The following DPPA2 variants were observed in gnomAD, a reference collection of about 807,000 sequenced individuals.
DPPA2 encodes developmental pluripotency-associated protein 2.
Under a neutral mutation model 36.2 loss-of-function variants are expected in DPPA2, and 26 were observed. The ratio of observed to expected loss-of-function variants is 0.72; its 90% CI spans 0.53 to 1.00. DPPA2 has a LOEUF of 1.00. Among genes scored for constraint, DPPA2 ranks in the 50% least tolerant of loss-of-function variants. DPPA2 has a pLI of 0.00. For synonymous variants in DPPA2, 113 were observed against 123.2 expected (o/e 0.92, Z 0.55); for missense variants, 361 against 365.1 (o/e 0.99, Z 0.09).
Position 109,316,339 on chromosome 3 carries a change from T to G in DPPA2, c.-69A>C, listed in dbSNP as rs1707784005. 6.5e-6 allele frequency: 1 copy of G among 153,464 alleles called. No individual in the cohort carries two copies. Among genetic ancestry groups the G allele is most frequent in the Admixed American group, 6.5e-5 (1 of 15,292 alleles). 9.5% of individuals were successfully genotyped at this position (153,464 alleles called of 1,614,324 possible). The stretch of plus-strand genomic sequence containing the variant: ...AGGATGTGGGTAGGGGGCCTCACTG[T>G]GTTGCCCAGGCTGGTCTTGAATTCC... On this transcript the variant is annotated 5_prime_UTR_variant, in exon 1 of 9. Coordinates refer to ENST00000478945, the MANE Select transcript of DPPA2 (RefSeq NM_138815.4).
intron 8 of DPPA2, among the ~76,000 whole-genome samples, chr3:109,298,065 T>TG (rs1354355736): frequency 6.6e-6 from 1 of 151,794 alleles, no homozygotes; most frequent in Non-Finnish European, 1.5e-5. Context: ...GAGCTATGAC[T>TG]GCACCATTGC....
chr3:109,300,287 G>A, intron 8 of DPPA2, 84 bp downstream of exon 8: 1 of 1,099,400 alleles, frequency 9.1e-7, no homozygotes. Context: ...GGAAGGCAGA[G>A]AGTTTCTCTT....
intron 2 of DPPA2, 54 bp from the exon 3 acceptor site, chr3:109,312,746 C>T (rs1023935802): frequency 1.6e-4 from 260 of 1,586,860 alleles, no homozygotes; most frequent in Non-Finnish European, 2.2e-4. Context: ...AACTAAACTG[C>T]TTGCTTTCAA....
chr3:109,299,665 G>A (rs1343848474), intron 8 of DPPA2, among the ~76,000 whole-genome samples: 133 of 137,446 alleles, frequency 9.7e-4, no homozygotes, highest in African/African-American at 3.2e-3. Context: ...CAGCCTGGGC[G>A]ACAAGAATGA....
chr3:109,308,651 C>G (rs1576822360), intron 5 of DPPA2, among the ~76,000 whole-genome samples: 1 of 152,300 alleles, frequency 6.6e-6, no homozygotes, highest in South Asian at 2.1e-4. Flanking sequence ...CATGAGCCAC[C>G]ACACCCGGCC....
chr3:109,307,556 T>A (rs1035961464), intron 6 of DPPA2, among the ~76,000 whole-genome samples: 1 of 134,774 alleles, frequency 7.4e-6, no homozygotes, highest in Non-Finnish European at 1.5e-5. Context: ...TGAGCCAAGA[T>A]CGCGCCATTG....
At chr3:109,314,911 C>A (rs938239913) in intron 1 of DPPA2, among the ~76,000 whole-genome samples, 1 of 151,980 alleles carries the variant, frequency 6.6e-6, no homozygotes, top group African/African-American at 2.4e-5. Context: ...CAAAAAAACA[C>A]AAAAATTAGG....
At chr3:109,307,603 CAA>C (rs769445059) in intron 6 of DPPA2, among the ~76,000 whole-genome samples, 1,079 of 43,782 alleles carry the variant, frequency 0.025, 10 homozygotes, top group African/African-American at 0.073. Context: ...AACTCCATCT[CAA>C]AAAAAAAAAA....
chr3:109,298,617 G>A (rs1576815183), intron 8 of DPPA2, among the ~76,000 whole-genome samples: 1 of 151,824 alleles, frequency 6.6e-6, no homozygotes, highest in East Asian at 1.9e-4. Context: ...TCGGAAGGCT[G>A]AGGCAGGAGA....
At chr3:109,304,056 G>C (rs1297423788) in intron 7 of DPPA2, among the ~76,000 whole-genome samples, 2 of 152,004 alleles carry the variant, frequency 1.3e-5, no homozygotes, top group African/African-American at 2.4e-5. Flanking sequence ...CGGATCATGA[G>C]GTCAGGAGTT....
At chr3:109,312,427 C>G in intron 3 of DPPA2, 118 bp downstream of exon 3, 1 of 1,297,868 alleles carries the variant, frequency 7.7e-7, no homozygotes, top group South Asian at 1.8e-5. Context: ...CACAGATTAA[C>G]AAGGTGAGAT....
In DPPA2 at chr3:109,308,059, C is replaced by A. The variant is rs543088008; in HGVS notation, c.631G>T (p.Val211Phe). 1 of 1,614,212 alleles carries A rather than the reference C, an allele frequency of 6.2e-7. No individual in the cohort carries two copies. The highest frequency in any genetic ancestry group is 1.3e-5 in the African/African-American group (1 of 75,072). Residue 211 changes from valine (V) to phenylalanine (F), a missense_variant, in exon 6 of 9, where the codon GTT becomes TTT. Val to Phe is a conservative substitution (Grantham distance 50, BLOSUM62 -1). Coordinates refer to ENST00000478945, the MANE Select transcript of DPPA2 (RefSeq NM_138815.4). ...GAGGCTTGCATCAAAAAGGCCTCAA[C>A]AGAAACAGGAATGGAACATGAATTC... ...ALNSCSIPVSVEAFLMQASGV... is the reference protein window; with the variant it reads ...ALNSCSIPVSFEAFLMQASGV...
chr3:109,305,215 C>CTT (rs1171341900), intron 6 of DPPA2, among the ~76,000 whole-genome samples: 8 of 152,088 alleles, frequency 5.3e-5, no homozygotes, highest in Admixed American at 5.2e-4. Context: ...TTTTGAAATG[C>CTT]TTGTTTTGTG....
At chr3:109,310,641 G>C (rs1199439403) in intron 3 of DPPA2, among the ~76,000 whole-genome samples, 1 of 151,434 alleles carries the variant, frequency 6.6e-6, no homozygotes, top group Non-Finnish European at 1.5e-5. Context: ...GAGTAGGTGG[G>C]ACTACAGGCA....
intron 3 of DPPA2, among the ~76,000 whole-genome samples, chr3:109,309,615 G>A (rs900908073): frequency 1.3e-5 from 2 of 151,996 alleles, no homozygotes; most frequent in South Asian, 4.2e-4. Flanking sequence ...GCATGAACCC[G>A]GGAGGTAGGG....
chr3:109,299,265 C>T (rs1292626433), intron 8 of DPPA2, among the ~76,000 whole-genome samples: 1 of 151,920 alleles, frequency 6.6e-6, no homozygotes, highest in Admixed American at 6.6e-5. Context: ...GTAATCCCAG[C>T]ACTTTGGGAA....
At chr3:109,297,942 C>T (rs950451153) in intron 8 of DPPA2, among the ~76,000 whole-genome samples, 3 of 152,094 alleles carry the variant, frequency 2.0e-5, no homozygotes, top group Non-Finnish European at 4.4e-5. Flanking sequence ...CCCATCTCTA[C>T]TAAAAATTAA....
chr3:109,314,460 ACT>A (rs1559700771), intron 2 of DPPA2, 48 bp downstream of exon 2: 5 of 1,592,792 alleles, frequency 3.1e-6, no homozygotes, highest in Admixed American at 1.7e-5. Flanking sequence ...ACCTAGAAAG[ACT>A]CTGAAAAGCG....
chr3:109,314,372 AAAG>A (rs1413542614), intron 2 of DPPA2, 135 bp downstream of exon 2: 57 of 847,158 alleles, frequency 6.7e-5, no homozygotes, highest in Non-Finnish European at 9.0e-5. Context: ...ATCTATTTGC[AAAG>A]AAGAGGAGGT....
Sources: gnomAD v4.1 joint callset for allele counts (sites outside exome capture counted in the v4.1 genomes callset) on GRCh38, gnomAD v4.1.1 for gene constraint, MANE v1.5 for transcripts, NCBI Gene and HGNC (gene_info 2026-07-23, HGNC 2026-07-21) for gene names.